The following HECW2 variants were observed in gnomAD, a reference collection of about 807,000 sequenced individuals.
The protein encoded by HECW2 is E3 ubiquitin-protein ligase HECW2.
HECW2 carries 61 observed loss-of-function variants against 175.2 expected under a neutral mutation model. The observed-to-expected ratio is 0.35, with a 90% CI of 0.28 to 0.43. The LOEUF (loss-of-function observed/expected upper bound fraction) is 0.43, where lower values mean the gene tolerates loss of function less well. Ranked by LOEUF, HECW2 falls within the 20% of genes least tolerant of loss-of-function variation. The probability of loss-of-function intolerance (pLI) is 1.00; values close to 1 mark genes in which losing one functional copy is unlikely to be tolerated. For synonymous variants in HECW2, 671 were observed against 731.0 expected (o/e 0.92, Z 1.32); for missense variants, 1,524 against 2,000.5 (o/e 0.76, Z 4.54).
intron 5 of HECW2, among the ~76,000 whole-genome samples, chr2:196,325,979 G>T (rs757502286): frequency 2.0e-5 from 3 of 152,202 alleles, no homozygotes. Context: ...GCTCCACTGA[G>T]TCTTCAACAT....
intron 4 of HECW2, chr2:196,331,198 C>G: frequency 1.0e-6 from 1 of 985,412 alleles, no homozygotes; most frequent in Non-Finnish European, 1.2e-6. Context: ...GTTTTTCCTT[C>G]CATCTATAGA....
intron 1 of HECW2, among the ~76,000 whole-genome samples, chr2:196,528,688 T>A (rs1346820564): frequency 6.6e-6 from 1 of 152,226 alleles, no homozygotes; most frequent in Non-Finnish European, 1.5e-5. Flanking sequence ...TTCTGCCCAT[T>A]CTTCATGGGA....
At chr2:196,222,723 T>C (rs1021868166) in intron 23 of HECW2, among the ~76,000 whole-genome samples, 8 of 152,170 alleles carry the variant, frequency 5.3e-5, no homozygotes, top group Non-Finnish European at 1.5e-5. Context: ...TTATACTACC[T>C]TAAAATACTG....
intron 2 of HECW2, among the ~76,000 whole-genome samples, chr2:196,406,018 T>A (rs1694957864): frequency 6.6e-6 from 1 of 152,188 alleles, no homozygotes; most frequent in Non-Finnish European, 1.5e-5. Flanking sequence ...ATGGTTTTCC[T>A]CACTGACTAT....
intron 2 of HECW2, among the ~76,000 whole-genome samples, chr2:196,407,059 G>A (rs956010974): frequency 8.5e-5 from 13 of 152,214 alleles, no homozygotes; most frequent in Non-Finnish European, 1.3e-4. Context: ...TATGTCTAGC[G>A]CCAAGTGGAT....
chr2:196,214,718 T>C (rs114897599), intron 28 of HECW2, among the ~76,000 whole-genome samples: 134 of 152,360 alleles, frequency 8.8e-4, no homozygotes, highest in African/African-American at 3.1e-3. Context: ...TCATTCTTTA[T>C]CGCTCTCTCC....
intron 2 of HECW2, among the ~76,000 whole-genome samples, chr2:196,410,602 G>GT (rs1047829958): frequency 3.6e-4 from 55 of 152,234 alleles, no homozygotes; most frequent in African/African-American, 1.2e-3. Context: ...GATCCATGAA[G>GT]TCTTGGAAAT....
chr2:196,359,747 T>C (rs922100474), intron 2 of HECW2, among the ~76,000 whole-genome samples: 1 of 152,348 alleles, frequency 6.6e-6, no homozygotes, highest in African/African-American at 2.4e-5. Flanking sequence ...GTTACTCTTA[T>C]TGAACTAAAC....
chr2:196,274,135 A>C lies in HECW2; in HGVS notation c.3136-12T>G, dbSNP rs764423576. 13 of 1,600,648 alleles carry C rather than the reference A, an allele frequency of 8.1e-6. No individual in the cohort carries two copies. The highest frequency in any genetic ancestry group is 6.6e-5 in the South Asian group (6 of 90,698). ...GAATCTTCTCCTACCTGCAAACAGA[A>C]GCATCATTTATGTTCTGCACCAAGA... On this transcript the variant is annotated splice_polypyrimidine_tract_variant and intron_variant, in intron 15 of 28. Transcript: ENST00000644978.
At chr2:196,243,547 A>T (rs985762327) in intron 19 of HECW2, among the ~76,000 whole-genome samples, 56 of 151,966 alleles carry the variant, frequency 3.7e-4, no homozygotes, top group Non-Finnish European at 1.3e-4. Flanking sequence ...TTCAATGGTA[A>T]TTATCACTAA....
intron 2 of HECW2, among the ~76,000 whole-genome samples, chr2:196,427,376 C>T (rs1301765739): frequency 1.3e-5 from 2 of 152,088 alleles, no homozygotes. Context: ...AAGTTGCCTA[C>T]AAATGAGAAA....
chr2:196,235,233 G>A (rs752185697), intron 21 of HECW2, among the ~76,000 whole-genome samples: 1 of 151,922 alleles, frequency 6.6e-6, no homozygotes, highest in Non-Finnish European at 1.5e-5. Context: ...TAGAAGCTGG[G>A]AGTACAGGCA....
At chr2:196,289,402 G>C (rs1271810119) in intron 14 of HECW2, 1 of 152,164 alleles carries the variant, frequency 6.6e-6, no homozygotes, top group Non-Finnish European at 1.5e-5. Context: ...ATTTTTAAAA[G>C]GGTCAAGGCA....
In HECW2 at chr2:196,366,435, C is replaced by T. The variant is rs148087330; in HGVS notation, c.293-22671G>A. ...TATCAGCATTGTGATCCATTACTTT[C>T]GTACACAAAAATAAATGACCCTCAG... is the stretch of plus-strand genomic sequence containing the variant. On this transcript the variant is annotated intron_variant, in intron 2 of 28. Coordinates refer to ENST00000644978, the MANE Select transcript of HECW2 (RefSeq NM_001348768.2). Among the ~76,000 whole-genome samples, 9 of 152,234 alleles carry T rather than the reference C, an allele frequency of 5.9e-5. 1 individual carries two copies. In the East Asian group the frequency reaches 1.7e-3, roughly 29 times the overall value.
chr2:196,341,633 AATG>A lies in HECW2; in HGVS notation c.400+2021_400+2023del, dbSNP rs540136017. ...TGTGCTATTAGCTAGGATTCTGCTG[AATG>A]TACCTACTTCCCCTTTCTGACCTTC... On this transcript the variant is annotated intron_variant, in intron 3 of 28. Transcript: ENST00000644978. Among the ~76,000 whole-genome samples the A allele has an allele frequency of 1.1e-3, 169 of 152,328 alleles. 6 individuals are homozygous for A. The South Asian group carries it at 0.034, about 31-fold the overall frequency.
chr2:196,356,744 T>C (rs930691384), intron 2 of HECW2, among the ~76,000 whole-genome samples: 17 of 152,234 alleles, frequency 1.1e-4, no homozygotes, highest in African/African-American at 3.9e-4. Context: ...ACTTTTGTTA[T>C]AATATATTGT....
intron 3 of HECW2, among the ~76,000 whole-genome samples, chr2:196,342,434 A>C (rs1020383019): frequency 1.3e-5 from 2 of 151,920 alleles, no homozygotes; most frequent in Admixed American, 6.6e-5. Flanking sequence ...GAAAGAAAGA[A>C]AAATAAATTC....
intron 2 of HECW2, among the ~76,000 whole-genome samples, chr2:196,348,157 T>C (rs1195734933): frequency 6.6e-6 from 1 of 152,258 alleles, no homozygotes; most frequent in East Asian, 1.9e-4. Context: ...TACGTTGCAG[T>C]CAATTTTGGT....
intron 1 of HECW2, among the ~76,000 whole-genome samples, chr2:196,576,146 T>C (rs931250879): frequency 6.7e-6 from 1 of 150,292 alleles, no homozygotes; most frequent in Non-Finnish European, 1.5e-5. Context: ...GTTATAATTG[T>C]CTACAGTATT....
Sources: gnomAD v4.1 joint callset for allele counts (sites outside exome capture counted in the v4.1 genomes callset) on GRCh38, gnomAD v4.1.1 for gene constraint, MANE v1.5 for transcripts, NCBI Gene and HGNC (gene_info 2026-07-23, HGNC 2026-07-21) for gene names.